Variants in EYS observed in about 807,000 individuals in gnomAD.
The protein encoded by EYS is EGF-like photoreceptor maintenance factor.
A neutral mutation model predicts 282.1 loss-of-function variants in EYS; 250 were observed. The ratio of observed to expected loss-of-function variants is 0.89; its 90% CI spans 0.80 to 0.98. The LOEUF is 0.98. Ranked by LOEUF, EYS falls within the 50% of genes least tolerant of loss-of-function variation. The probability of loss-of-function intolerance (pLI) is 0.00; values close to 1 mark genes in which losing one functional copy is unlikely to be tolerated. For missense variants in EYS, 4,016 were observed against 3,709.0 expected, an observed-to-expected ratio of 1.08 and a Z score of -2.15; for synonymous variants, 1,355 against 1,282.9, an observed-to-expected ratio of 1.06 and a Z score of -1.20.
chr6:64,458,305 T>C (rs1775627099), intron 26 of EYS, among the ~76,000 whole-genome samples: 1 of 152,130 alleles, frequency 6.6e-6, no homozygotes, highest in Non-Finnish European at 1.5e-5. Flanking sequence ...TGTTGCTTAG[T>C]ACCTTTTTTT....
intron 8 of EYS, among the ~76,000 whole-genome samples, chr6:65,356,658 T>A (rs1279819463): frequency 6.6e-6 from 1 of 152,092 alleles, no homozygotes; most frequent in Non-Finnish European, 1.5e-5. Flanking sequence ...ATGAAGATAT[T>A]ATAACTTTAG....
chr6:65,703,074 A>G (rs542560981), intron 1 of EYS, among the ~76,000 whole-genome samples: 1 of 152,284 alleles, frequency 6.6e-6, no homozygotes, highest in East Asian at 1.9e-4. Context: ...TTCCAATTAG[A>G]GCTGCAGCAT....
chr6:65,122,281 A>C (rs1775577866), intron 12 of EYS, among the ~76,000 whole-genome samples: 1 of 152,128 alleles, frequency 6.6e-6, no homozygotes, highest in Non-Finnish European at 1.5e-5. Flanking sequence ...ACAATATCAC[A>C]AAAAGGGGAT....
At chr6:65,143,250 A>G (rs1764393217) in intron 12 of EYS, among the ~76,000 whole-genome samples, 2 of 143,716 alleles carry the variant, frequency 1.4e-5, no homozygotes, top group South Asian at 2.1e-4. Flanking sequence ...AAAGCATTAT[A>G]CAGACTGAAA....
At chr6:64,928,740 A>G (rs1768599839) in intron 15 of EYS, among the ~76,000 whole-genome samples, 1 of 152,038 alleles carries the variant, frequency 6.6e-6, no homozygotes, top group Non-Finnish European at 1.5e-5. Flanking sequence ...TTTATTTTTA[A>G]TTGACAAATA....
intron 12 of EYS, among the ~76,000 whole-genome samples, chr6:65,092,028 A>T (rs1261215452): frequency 6.6e-6 from 1 of 152,132 alleles, no homozygotes; most frequent in Middle Eastern, 3.2e-3. Context: ...AACTTTTAAT[A>T]TTGAAAATAG....
rs1767101953 is a variant in EYS at position 64,886,780 on chromosome 6, C to T, written c.2909G>A (p.Cys970Tyr). 1 of 1,546,636 alleles carries T rather than the reference C, an allele frequency of 6.5e-7. No individual in the cohort carries two copies. Among genetic ancestry groups the T allele is most frequent in the Non-Finnish European group, 8.7e-7 (1 of 1,143,872 alleles). Residue 970 changes from cysteine (C) to tyrosine (Y), a missense_variant, in exon 19 of 43, where the codon TGT (cysteine) becomes TAT (tyrosine). Cys to Tyr is a radical substitution (Grantham distance 194). Coordinates refer to ENST00000503581, the MANE Select transcript of EYS (RefSeq NM_001142800.2). ...TTCATCTAGACAAGGTGAGATTTTA[C>T]ATTTATTTACATCAAGTTCACAGAA... is the stretch of plus-strand genomic sequence containing the variant. ...GPFCELDVNK[C>Y]KISPCLDEEN...
chr6:63,959,972 C>A (rs1185794019), intron 35 of EYS, among the ~76,000 whole-genome samples: 1 of 151,638 alleles, frequency 6.6e-6, no homozygotes, highest in Non-Finnish European at 1.5e-5. Context: ...ACATGTATAC[C>A]TATGTAACAA....
intron 35 of EYS, among the ~76,000 whole-genome samples, chr6:63,897,261 T>A (rs1773558069): frequency 6.6e-6 from 1 of 152,198 alleles, no homozygotes. Flanking sequence ...GGCTGAACAA[T>A]GGTCTTCAAA....
At chr6:63,744,788 G>C in intron 41 of EYS, 1 of 194,180 alleles carries the variant, frequency 5.1e-6, no homozygotes, top group Non-Finnish European at 1.1e-5. Flanking sequence ...AGCTGGTCTC[G>C]AACTCCTGAC....
At position 64,157,812 on chromosome 6, in the gene EYS, G is replaced by C. The variant is rs373263541; in HGVS notation, c.6424+72780C>G. On this transcript the variant is annotated intron_variant, in intron 31 of 42. Coordinates refer to ENST00000503581, the MANE Select transcript of EYS (RefSeq NM_001142800.2). Reference sequence around the variant, plus strand: ...AGGCAGAAGTTTGCTGCAGGAGTGCGGCACTAATGGAGGACCTCTGTTAGG... The same window carrying C: ...AGGCAGAAGTTTGCTGCAGGAGTGCCGCACTAATGGAGGACCTCTGTTAGG... 3.7e-3 allele frequency among the ~76,000 whole-genome samples: 562 copies of C among 152,328 alleles called. 2 individuals carry two copies. The highest frequency in any genetic ancestry group is 0.024 in the Middle Eastern group (7 of 294).
chr6:64,110,470 T>C (rs771171729), intron 31 of EYS, among the ~76,000 whole-genome samples: 3 of 151,946 alleles, frequency 2.0e-5, no homozygotes, highest in East Asian at 1.9e-4. Flanking sequence ...GTTTTGAATA[T>C]TAACTTTGAT....
chr6:65,231,389 A>T (rs1562038197), intron 12 of EYS, among the ~76,000 whole-genome samples: 1 of 151,480 alleles, frequency 6.6e-6, no homozygotes, highest in Non-Finnish European at 1.5e-5. Context: ...AAAACAGTTA[A>T]ATTCTAAAAT....
chr6:64,598,637 T>C (rs1766662817), intron 24 of EYS, among the ~76,000 whole-genome samples: 1 of 152,218 alleles, frequency 6.6e-6, no homozygotes, highest in Non-Finnish European at 1.5e-5. Flanking sequence ...TGCTTTCTTG[T>C]GGACATTGTA....
intron 33 of EYS, among the ~76,000 whole-genome samples, chr6:64,019,669 A>G (rs1009081491): frequency 1.2e-4 from 18 of 151,800 alleles, no homozygotes; most frequent in African/African-American, 4.4e-4. Flanking sequence ...TCGGCCTCTC[A>G]AAGTGCTGGG....
chr6:64,097,021 A>C (rs1228998893), intron 31 of EYS, among the ~76,000 whole-genome samples: 1 of 152,190 alleles, frequency 6.6e-6, no homozygotes, highest in Non-Finnish European at 1.5e-5. Context: ...GGTCCACTCC[A>C]GACCCTTTTT....
chr6:64,788,324 G>C (rs1774085027), intron 22 of EYS, among the ~76,000 whole-genome samples: 1 of 152,106 alleles, frequency 6.6e-6, no homozygotes, highest in East Asian at 1.9e-4. Flanking sequence ...TCAGAAGCTT[G>C]AGTGACTGTG....
intron 31 of EYS, among the ~76,000 whole-genome samples, chr6:64,192,773 C>A (rs1765155677): frequency 6.6e-6 from 1 of 152,176 alleles, no homozygotes. Context: ...TTTTTTAAGT[C>A]AGACCCACTT....
chr6:64,196,845 GTAAC>G (rs1765305275), intron 31 of EYS, among the ~76,000 whole-genome samples: 2 of 151,882 alleles, frequency 1.3e-5, no homozygotes, highest in African/African-American at 4.8e-5. Context: ...GTATACATAT[GTAAC>G]TAACCTGCAC....
Sources: gnomAD v4.1 joint callset for allele counts (sites outside exome capture counted in the v4.1 genomes callset) on GRCh38, gnomAD v4.1.1 for gene constraint, MANE v1.5 for transcripts, NCBI Gene and HGNC (gene_info 2026-07-23, HGNC 2026-07-21) for gene names.